Variants in PPP1CB observed in about 807,000 individuals in gnomAD.
The protein encoded by PPP1CB is protein phosphatase 1 catalytic subunit beta.
In PPP1CB, 2 loss-of-function variants were observed where a neutral mutation model predicts 43.7. The observed-to-expected ratio is 0.05, with a 90% confidence interval of 0.02 to 0.14. The LOEUF is 0.14. PPP1CB is among the 10% of genes least tolerant of loss of function. The probability of loss-of-function intolerance (pLI) is 1.00; values close to 1 mark genes in which losing one functional copy is unlikely to be tolerated. For synonymous variants in PPP1CB, 136 were observed against 135.6 expected, an observed-to-expected ratio of 1.00 and a Z score of -0.02; for missense variants, 84 against 398.0, an observed-to-expected ratio of 0.21 and a Z score of 6.71.
At chr2:28,780,311 G>C (rs376930345) in intron 3 of PPP1CB, among the ~76,000 whole-genome samples, 52 of 152,048 alleles carry the variant, frequency 3.4e-4, no homozygotes, top group African/African-American at 1.2e-3. Flanking sequence ...GGCTGGTCTT[G>C]AACTCCCAAC....
intron 5 of PPP1CB, among the ~76,000 whole-genome samples, chr2:28,787,255 C>T (rs907640876): frequency 3.3e-5 from 5 of 152,088 alleles, no homozygotes; most frequent in South Asian, 2.1e-4. Context: ...GTTAGGAGAT[C>T]GAGACCATCC....
chr2:28,785,579 A>G (rs977128456), intron 5 of PPP1CB, among the ~76,000 whole-genome samples: 3 of 152,124 alleles, frequency 2.0e-5, no homozygotes, highest in Non-Finnish European at 4.4e-5. Flanking sequence ...TGGGAGGCCA[A>G]GGCAGGAAGA....
intron 1 of PPP1CB, among the ~76,000 whole-genome samples, chr2:28,766,445 T>C (rs1666778928): frequency 6.6e-6 from 1 of 152,226 alleles, no homozygotes; most frequent in Non-Finnish European, 1.5e-5. Context: ...TCTCAGACTT[T>C]GTAAAATAGT....
chr2:28,752,103 A>G lies in PPP1CB; in HGVS notation c.-22A>G. 6.5e-7 allele frequency: 1 copy of G among 1,549,578 alleles called. No individual in the cohort carries two copies. ...AGAAGCCCTTGTTCCCGCTGCTGGG[A>G]AGGAGAGTCTGTGCCGACAAGATGG... On this transcript the variant is annotated 5_prime_UTR_variant, in exon 1 of 8. Transcript: ENST00000395366.
intron 6 of PPP1CB, 41 bp downstream of exon 6, chr2:28,788,850 C>CT (rs552632350): frequency 5.9e-5 from 90 of 1,533,250 alleles, no homozygotes; most frequent in South Asian, 1.8e-4. Context: ...TTTTTTCTTT[C>CT]TTTTTTTTGG....
intron 3 of PPP1CB, among the ~76,000 whole-genome samples, chr2:28,779,525 CTTATTT>C (rs1444105378): frequency 1.3e-5 from 2 of 151,946 alleles, no homozygotes; most frequent in African/African-American, 4.8e-5. Flanking sequence ...CTGGGGTATC[CTTATTT>C]TACTCTCTTT....
intron 1 of PPP1CB, among the ~76,000 whole-genome samples, chr2:28,760,372 C>T (rs1463657354): frequency 2.6e-5 from 4 of 152,196 alleles, no homozygotes; most frequent in Non-Finnish European, 5.9e-5. Context: ...ATCTTTATTA[C>T]TGTATATACA....
intron 3 of PPP1CB, among the ~76,000 whole-genome samples, chr2:28,780,782 G>A (rs182028945): frequency 2.0e-5 from 3 of 152,196 alleles, no homozygotes; most frequent in Admixed American, 1.3e-4. Context: ...CAGGAAAATC[G>A]AGTAACTCTA....
rs559532367 is a variant in PPP1CB, at chr2:28,759,520, CAAA to C, written c.52+7368_52+7370del. Among the ~76,000 whole-genome samples, 723 of 100,574 alleles carry C rather than the reference CAAA, an allele frequency of 7.2e-3. 2 individuals are homozygous for C. Among genetic ancestry groups the C allele is most frequent in the African/African-American group, 0.025 (674 of 27,236 alleles). The allele number at this position is 100,574 out of a possible 152,430, so 66.0% of individuals were successfully genotyped here. On this transcript the variant is annotated intron_variant, in intron 1 of 7. Transcript: ENST00000395366. ...GGGCGAAAGAGTGAGACTGCATCTC[CAAA>C]AAAAAAAAAAAAAAAAAAAAAAAGT...
Position 28,799,601 on chromosome 2 carries a change from G to T in PPP1CB, c.*298G>T. 1.2e-5 allele frequency: 3 copies of T among 251,188 alleles called. No homozygotes were observed. The Middle Eastern group carries it at 3.5e-3, about 293-fold the overall frequency. The allele number at this position is 251,188 out of a possible 1,614,324, so 15.6% of individuals were successfully genotyped here. A position where few individuals can be genotyped will look rare whatever the true frequency, so the allele number is the denominator to read the frequency against. ...GTTGAAAAGCATCCCAGTTAAACTA[G>T]ATGTGATAGTTAAACCAGATGAAAG... is the stretch of plus-strand genomic sequence containing the variant. On this transcript the variant is annotated 3_prime_UTR_variant, in exon 8 of 8. Transcript: ENST00000395366.
rs1667621394 is a variant in PPP1CB at position 28,801,721 on chromosome 2, T to A, written c.*2418T>A. On this transcript the variant is annotated 3_prime_UTR_variant, in exon 8 of 8. Transcript: ENST00000395366. Reference sequence around the variant, plus strand: ...CTCTGATTTTTTTCAGGTTAGTGATTTTTTTGTATACAATTTAATCCAAAT... The same window carrying A: ...CTCTGATTTTTTTCAGGTTAGTGATATTTTTGTATACAATTTAATCCAAAT... The A allele has an allele frequency of 6.6e-6, 1 of 152,174 alleles. No homozygotes were observed. The highest frequency in any genetic ancestry group is 1.5e-5 in the Non-Finnish European group (1 of 68,004). 9.4% of individuals were successfully genotyped at this position (152,174 alleles called of 1,614,324 possible). A position where few individuals can be genotyped will look rare whatever the true frequency, so the allele number is the denominator to read the frequency against.
intron 1 of PPP1CB, among the ~76,000 whole-genome samples, chr2:28,768,798 A>G (rs1175740821): frequency 6.6e-6 from 1 of 152,196 alleles, no homozygotes; most frequent in East Asian, 1.9e-4. Flanking sequence ...AACTGAATTG[A>G]CCAAAAACCA....
At chr2:28,765,994 A>G (rs114864565) in intron 1 of PPP1CB, among the ~76,000 whole-genome samples, 44 of 152,336 alleles carry the variant, frequency 2.9e-4, no homozygotes, top group African/African-American at 1.1e-3. Flanking sequence ...GAAGTTTCTC[A>G]TATATTTTTT....
chr2:28,763,021 A>G (rs1229720155), intron 1 of PPP1CB, among the ~76,000 whole-genome samples: 1 of 152,202 alleles, frequency 6.6e-6, no homozygotes, highest in East Asian at 1.9e-4. Flanking sequence ...GTTCACGTGT[A>G]TCTGTTGAAT....
chr2:28,773,874 A>G (rs1269358374), intron 1 of PPP1CB, among the ~76,000 whole-genome samples: 1 of 152,186 alleles, frequency 6.6e-6, no homozygotes. Flanking sequence ...GATGTGACTG[A>G]TTATTAAATG....
intron 6 of PPP1CB, among the ~76,000 whole-genome samples, chr2:28,791,519 G>A (rs1010804953): frequency 6.6e-6 from 1 of 151,898 alleles, no homozygotes; most frequent in African/African-American, 2.4e-5. Context: ...TAGTAGAGAC[G>A]GGGTTTCACT....
intron 2 of PPP1CB, among the ~76,000 whole-genome samples, chr2:28,777,834 A>G (rs1046349281): frequency 8.5e-5 from 13 of 152,116 alleles, no homozygotes; most frequent in African/African-American, 2.4e-4. Context: ...TTGTATTTTT[A>G]GTAGAGACAG....
chr2:28,787,150 G>A (rs1667285627), intron 5 of PPP1CB, among the ~76,000 whole-genome samples: 2 of 152,056 alleles, frequency 1.3e-5, no homozygotes, highest in African/African-American at 4.8e-5. Flanking sequence ...TCTTAAAACT[G>A]ACTTAACTCT....
At chr2:28,759,763 G>A (rs12714242) in intron 1 of PPP1CB, among the ~76,000 whole-genome samples, 76,844 of 151,154 alleles carry the variant, frequency 0.51, 20,224 homozygotes, top group Middle Eastern at 0.61. Context: ...GATTATAGGC[G>A]TGCACCACCA....
Sources: allele counts gnomAD v4.1 joint callset (sites outside exome capture counted in the v4.1 genomes callset), GRCh38; gene constraint gnomAD v4.1.1; transcripts MANE v1.5; gene names NCBI Gene and HGNC (gene_info 2026-07-23, HGNC 2026-07-21).